The following SMYD3 variants were observed in gnomAD, a reference collection of about 807,000 sequenced individuals.
The protein encoded by SMYD3 is SET and MYND domain containing 3, also known as histone-lysine N-methyltransferase SMYD3.
A neutral mutation model predicts 57.7 loss-of-function variants in SMYD3; 36 were observed. The ratio of observed to expected loss-of-function variants is 0.62; its 90% CI spans 0.48 to 0.82. The LOEUF (loss-of-function observed/expected upper bound fraction) is 0.82. SMYD3 is among the 40% of genes least tolerant of loss of function. The pLI, the probability that SMYD3 is intolerant of heterozygous loss-of-function variation, is 0.00. For synonymous variants in SMYD3, 211 were observed against 195.0 expected (o/e 1.08, Z -0.68); for missense variants, 515 against 538.8 (o/e 0.96, Z 0.44).
At chr1:246,153,964 G>T (rs2061982440) in intron 5 of SMYD3, among the ~76,000 whole-genome samples, 2 of 152,044 alleles carry the variant, frequency 1.3e-5, no homozygotes, top group South Asian at 4.2e-4. Flanking sequence ...CCTTGCTTTG[G>T]GTGGGTTCTA....
intron 5 of SMYD3, among the ~76,000 whole-genome samples, chr1:246,178,498 T>C (rs187725595): frequency 2.0e-5 from 3 of 152,252 alleles, no homozygotes; most frequent in Non-Finnish European, 4.4e-5. Context: ...AGTTACTTGC[T>C]TTGTGGAAGT....
chr1:246,126,202 T>G (rs1431736341), intron 5 of SMYD3, among the ~76,000 whole-genome samples: 1 of 152,204 alleles, frequency 6.6e-6, no homozygotes, highest in African/African-American at 2.4e-5. Context: ...GAGCTTTAGA[T>G]CAGTGGTTCT....
At chr1:246,121,754 C>A (rs1230305224) in intron 5 of SMYD3, among the ~76,000 whole-genome samples, 1 of 152,114 alleles carries the variant, frequency 6.6e-6, no homozygotes, top group Non-Finnish European at 1.5e-5. Context: ...ATGCTGGAAA[C>A]TGGTTCTAAA....
intron 5 of SMYD3, among the ~76,000 whole-genome samples, chr1:245,995,357 C>T (rs2058905918): frequency 6.6e-6 from 1 of 152,182 alleles, no homozygotes; most frequent in South Asian, 2.1e-4. Flanking sequence ...TTACGACGTC[C>T]ACCCATATGA....
intron 5 of SMYD3, among the ~76,000 whole-genome samples, chr1:246,272,163 A>C (rs2064236523): frequency 6.6e-6 from 1 of 152,200 alleles, no homozygotes; most frequent in Non-Finnish European, 1.5e-5. Context: ...TTCAGTTATT[A>C]GCATTGATAG....
At chr1:246,117,474 C>G (rs34539883) in intron 5 of SMYD3, among the ~76,000 whole-genome samples, 9,655 of 152,240 alleles carry the variant, frequency 0.063, 359 homozygotes, top group Non-Finnish European at 0.07. Flanking sequence ...GACTGATTAT[C>G]TCATTTTTTA....
At chr1:246,292,414 A>ATCCAACACACCAGCATCTTAGACTTACTG (rs2064712235) in intron 5 of SMYD3, among the ~76,000 whole-genome samples, 1 of 152,016 alleles carries the variant, frequency 6.6e-6, no homozygotes, top group Non-Finnish European at 1.5e-5. Context: ...TAGACTTACT[A>ATCCAACACACCAGCATCTTAGACTTACTG]TCCAACACAC....
intron 5 of SMYD3, among the ~76,000 whole-genome samples, chr1:246,197,175 A>C (rs550120088): frequency 6.6e-6 from 1 of 152,322 alleles, no homozygotes; most frequent in African/African-American, 2.4e-5. Context: ...ATAAAAGACA[A>C]ATCTCCTGTT....
intron 5 of SMYD3, among the ~76,000 whole-genome samples, chr1:246,114,418 T>C (rs372410603): frequency 1.3e-5 from 2 of 152,148 alleles, no homozygotes; most frequent in South Asian, 4.1e-4. Context: ...GGGAGAACAA[T>C]TGTTCTGAGA....
intron 1 of SMYD3, among the ~76,000 whole-genome samples, chr1:246,404,761 C>T (rs2066832346): frequency 6.6e-6 from 1 of 152,096 alleles, no homozygotes; most frequent in Non-Finnish European, 1.5e-5. Context: ...TCAACTTCCT[C>T]GGTCACATTA....
intron 5 of SMYD3, among the ~76,000 whole-genome samples, chr1:246,013,813 C>G (rs1428956739): frequency 1.3e-5 from 2 of 152,122 alleles, no homozygotes; most frequent in Non-Finnish European, 2.9e-5. Context: ...GTTTTTTGTA[C>G]TGTCCCTGTC....
At chr1:246,023,499 T>G (rs1237523049) in intron 5 of SMYD3, among the ~76,000 whole-genome samples, 1 of 152,206 alleles carries the variant, frequency 6.6e-6, no homozygotes, top group African/African-American at 2.4e-5. Flanking sequence ...AGAGTTGTTC[T>G]TTCCCATTTT....
intron 5 of SMYD3, among the ~76,000 whole-genome samples, chr1:246,144,900 G>C (rs1426917838): frequency 6.6e-6 from 1 of 152,146 alleles, no homozygotes; most frequent in East Asian, 1.9e-4. Context: ...GCACGAATCG[G>C]GTTTCCCGGA....
intron 1 of SMYD3, among the ~76,000 whole-genome samples, chr1:246,406,867 C>G (rs6682121): frequency 1.3e-5 from 2 of 152,128 alleles, no homozygotes; most frequent in Non-Finnish European, 2.9e-5. Context: ...AAACAAACAA[C>G]ACCTTTCCCA....
At chr1:246,139,945 T>C (rs2061725919) in intron 5 of SMYD3, among the ~76,000 whole-genome samples, 1 of 152,188 alleles carries the variant, frequency 6.6e-6, no homozygotes, top group South Asian at 2.1e-4. Context: ...CATTAAGATA[T>C]GAATCACCCA....
chr1:246,348,036 T>C (rs923720633), intron 2 of SMYD3, among the ~76,000 whole-genome samples: 3 of 87,886 alleles, frequency 3.4e-5, no homozygotes, highest in African/African-American at 8.2e-5. Flanking sequence ...GTGCCCATCA[T>C]TGGTGGACTG....
chr1:245,852,913 A>G (rs1401738419), intron 10 of SMYD3, among the ~76,000 whole-genome samples: 2 of 152,178 alleles, frequency 1.3e-5, no homozygotes, highest in African/African-American at 2.4e-5. Flanking sequence ...GGCATGCCAG[A>G]TAATTCAGTA....
chr1:245,791,952 T>TG (rs2047289368), intron 10 of SMYD3, among the ~76,000 whole-genome samples: 24 of 146,138 alleles, frequency 1.6e-4, no homozygotes, highest in Non-Finnish European at 3.5e-4. Flanking sequence ...AATTTTAAAC[T>TG]TGTGTGTGTG....
chr1:246,012,389 A>G (rs1348657464), intron 5 of SMYD3, among the ~76,000 whole-genome samples: 1 of 152,142 alleles, frequency 6.6e-6, no homozygotes, highest in Non-Finnish European at 1.5e-5. Context: ...GGAGAAATCT[A>G]CTCCCAGCAT....
Sources: allele counts gnomAD v4.1 joint callset (sites outside exome capture counted in the v4.1 genomes callset), GRCh38; gene constraint gnomAD v4.1.1; transcripts MANE v1.5; gene names NCBI Gene and HGNC (gene_info 2026-07-23, HGNC 2026-07-21).